PRKCE: variants seen among roughly 807,000 people sequenced by gnomAD.
PRKCE encodes protein kinase C epsilon type.
In PRKCE, 16 loss-of-function variants were observed where a neutral mutation model predicts 85.4. The observed-to-expected ratio is 0.19, with a 90% CI of 0.13 to 0.28. The LOEUF is 0.28. PRKCE is among the 10% of genes least tolerant of loss of function. The probability of loss-of-function intolerance (pLI) is 1.00; values close to 1 mark genes in which losing one functional copy is unlikely to be tolerated. For synonymous variants in PRKCE, 388 were observed against 371.5 expected, an observed-to-expected ratio of 1.04 and a Z score of -0.51; for missense variants, 573 against 975.2, an observed-to-expected ratio of 0.59 and a Z score of 5.49.
rs1486720180 is a variant in PRKCE at position 46,187,863 on chromosome 2, A to G, written c.*2982A>G. Reference sequence around the variant, plus strand: ...TACATTTTTTTCCTTTCTGGATGTAATTTTAATCTCTTGCCATTCATTAGT... The same window carrying G: ...TACATTTTTTTCCTTTCTGGATGTAGTTTTAATCTCTTGCCATTCATTAGT... On this transcript the variant is annotated 3_prime_UTR_variant, in exon 15 of 15. Coordinates refer to ENST00000306156, the MANE Select transcript of PRKCE (RefSeq NM_005400.3). 6.6e-6 allele frequency: 1 copy of G among 151,312 alleles called. No individual in the cohort carries two copies. Among genetic ancestry groups the G allele is most frequent in the African/African-American group, 2.4e-5 (1 of 40,924 alleles). The allele number at this position is 151,312 out of a possible 1,614,324, so 9.4% of individuals were successfully genotyped here.
chr2:45,798,767 C>CT (rs56020595), intron 1 of PRKCE, among the ~76,000 whole-genome samples: 1,809 of 143,962 alleles, frequency 0.013, 22 homozygotes, highest in African/African-American at 0.022. Flanking sequence ...ACAGAAGTGG[C>CT]TTTTTTTTTT....
At chr2:45,841,892 G>A (rs1241119917) in intron 1 of PRKCE, among the ~76,000 whole-genome samples, 3 of 152,176 alleles carry the variant, frequency 2.0e-5, no homozygotes, top group Non-Finnish European at 2.9e-5. Context: ...TCTTTGCTGG[G>A]GACAGTGAAA....
chr2:45,699,258 A>T (rs1187061220), intron 1 of PRKCE, among the ~76,000 whole-genome samples: 2 of 152,048 alleles, frequency 1.3e-5, no homozygotes, highest in African/African-American at 4.8e-5. Context: ...AGCCTTTTGC[A>T]CGGACCTCTG....
chr2:46,014,113 G>A (rs1048862737), intron 10 of PRKCE, among the ~76,000 whole-genome samples: 5 of 152,182 alleles, frequency 3.3e-5, no homozygotes, highest in African/African-American at 1.2e-4. Context: ...AAGGCAAAAA[G>A]CAAATAAAAT....
chr2:45,901,236 G>C (rs555396047), intron 2 of PRKCE, among the ~76,000 whole-genome samples: 1 of 152,192 alleles, frequency 6.6e-6, no homozygotes, highest in Non-Finnish European at 1.5e-5. Context: ...TTACAAAACC[G>C]TCTGTGTTGA....
chr2:46,070,640 C>T (rs1668003026), intron 10 of PRKCE, among the ~76,000 whole-genome samples: 1 of 97,156 alleles, frequency 1.0e-5, no homozygotes, highest in Non-Finnish European at 2.3e-5. Flanking sequence ...AAGACTCCGT[C>T]TCAAAAAAAA....
At chr2:45,779,056 G>A (rs1685976867) in intron 1 of PRKCE, among the ~76,000 whole-genome samples, 1 of 152,226 alleles carries the variant, frequency 6.6e-6, no homozygotes, top group Non-Finnish European at 1.5e-5. Flanking sequence ...CAGCAGTCCA[G>A]GTAGGTAACT....
chr2:46,016,565 T>C (rs1176201070), intron 10 of PRKCE, among the ~76,000 whole-genome samples: 1 of 152,152 alleles, frequency 6.6e-6, no homozygotes, highest in Non-Finnish European at 1.5e-5. Context: ...TCGTGTAACC[T>C]CTTTGCATAT....
At chr2:46,125,840 C>T (rs1017962819) in intron 11 of PRKCE, among the ~76,000 whole-genome samples, 2 of 152,198 alleles carry the variant, frequency 1.3e-5, no homozygotes, top group African/African-American at 2.4e-5. Context: ...CCATTGCATA[C>T]ATGATTACTG....
At position 46,184,559 on chromosome 2, in the gene PRKCE, T is replaced by C. The variant is rs1680310047; in HGVS notation, c.2068-176T>C. Among the ~76,000 whole-genome samples, 1 of 152,052 alleles carries C rather than the reference T, an allele frequency of 6.6e-6. No individual in the cohort carries two copies. The highest frequency in any genetic ancestry group is 6.6e-5 in the Admixed American group (1 of 15,266). On this transcript the variant is annotated intron_variant, in intron 14 of 14. Transcript: ENST00000306156. This position sits in a 1 kb window ranked among gnomAD's most constrained non-coding sequence, Gnocchi z 5.0. ...ATTCTTCCTCTCCTCGTCTCTCACC[T>C]CCGGGTCCTGGGGCCATCCATCGTT...
chr2:45,669,107 A>G (rs1676041087), intron 1 of PRKCE, among the ~76,000 whole-genome samples: 1 of 152,140 alleles, frequency 6.6e-6, no homozygotes, highest in East Asian at 1.9e-4. Context: ...ACCCCCTCAC[A>G]CAAGAGAACG....
chr2:46,062,641 A>G (rs1667252933), intron 10 of PRKCE, among the ~76,000 whole-genome samples: 1 of 137,702 alleles, frequency 7.3e-6, no homozygotes, highest in Non-Finnish European at 1.6e-5. Flanking sequence ...TCTTTTAAGT[A>G]GGAGTTGAAG....
chr2:45,878,242 T>A (rs569055131), intron 2 of PRKCE, among the ~76,000 whole-genome samples: 1 of 152,354 alleles, frequency 6.6e-6, no homozygotes, highest in South Asian at 2.1e-4. Flanking sequence ...TTTGGACTGG[T>A]TCATTGTGCT....
In PRKCE at chr2:46,138,166, G is replaced by A. The variant is rs1199220405; in HGVS notation, c.1593-6927G>A. ...GAAGAGATCTTCACTCCTACCGCAG[G>A]AGAGCCTTCATTGTGCCATCCTGCC... On this transcript the variant is annotated intron_variant, in intron 11 of 14. Transcript: ENST00000306156. This position sits in a 1 kb window ranked among gnomAD's most constrained non-coding sequence, Gnocchi z 4.2. Among the ~76,000 whole-genome samples the A allele has an allele frequency of 6.6e-6, 1 of 152,200 alleles. No individual in the cohort carries two copies. The highest frequency in any genetic ancestry group is 2.4e-5 in the African/African-American group (1 of 41,442).
chr2:45,687,599 A>G (rs1442600456), intron 1 of PRKCE, among the ~76,000 whole-genome samples: 2 of 152,210 alleles, frequency 1.3e-5, no homozygotes, highest in African/African-American at 4.8e-5. Flanking sequence ...GTGAAGATAT[A>G]TTTGAGAATA....
intron 11 of PRKCE, among the ~76,000 whole-genome samples, chr2:46,124,915 G>A (rs550690749): frequency 9.2e-5 from 14 of 152,272 alleles, no homozygotes; most frequent in Admixed American, 7.2e-4. Context: ...AGTCTTGAAA[G>A]GAAATTTTTA....
At chr2:45,771,903 G>C (rs370676898) in intron 1 of PRKCE, among the ~76,000 whole-genome samples, 15 of 152,110 alleles carry the variant, frequency 9.9e-5, no homozygotes, top group African/African-American at 3.6e-4. Context: ...TGTCATTCCA[G>C]CTTCCCGGTT....
chr2:45,767,276 T>C (rs1684986735), intron 1 of PRKCE, among the ~76,000 whole-genome samples: 1 of 151,252 alleles, frequency 6.6e-6, no homozygotes, highest in Middle Eastern at 3.4e-3. Flanking sequence ...TTTGAAACTT[T>C]TTAAAAAAAG....
intron 1 of PRKCE, among the ~76,000 whole-genome samples, chr2:45,722,118 C>A (rs1055493405): frequency 6.6e-6 from 1 of 152,046 alleles, no homozygotes; most frequent in Non-Finnish European, 1.5e-5. Flanking sequence ...AAGCCCATTG[C>A]ATGTTAACAC....
Sources: allele counts gnomAD v4.1 joint callset (sites outside exome capture counted in the v4.1 genomes callset), GRCh38; gene constraint gnomAD v4.1.1; non-coding constraint Gnocchi (gnomAD v3.1); transcripts MANE v1.5; gene names NCBI Gene and HGNC (gene_info 2026-07-23, HGNC 2026-07-21).